The following CALCR variants were observed in gnomAD, a reference collection of about 807,000 sequenced individuals.
The protein encoded by CALCR is calcitonin receptor.
CALCR carries 47 observed loss-of-function variants against 59.5 expected under a neutral mutation model. The observed-to-expected ratio is 0.79, with a 90% CI of 0.63 to 1.01. The LOEUF (loss-of-function observed/expected upper bound fraction) is 1.01, where lower values mean the gene tolerates loss of function less well. Among genes scored for constraint, CALCR ranks in the 50% least tolerant of loss-of-function variants. CALCR has a pLI of 0.00. For synonymous variants in CALCR, 213 were observed against 211.3 expected (o/e 1.01, Z -0.07); for missense variants, 566 against 597.1 (o/e 0.95, Z 0.54).
chr7:93,442,443 T>C (rs1799926234), intron 9 of CALCR, among the ~76,000 whole-genome samples: 1 of 152,160 alleles, frequency 6.6e-6, no homozygotes, highest in African/African-American at 2.4e-5. Context: ...TGGAAACCAG[T>C]ATGGCATAAC....
chr7:93,507,751 CAA>C (rs562704303), intron 2 of CALCR, among the ~76,000 whole-genome samples: 46 of 52,022 alleles, frequency 8.8e-4, no homozygotes, highest in South Asian at 3.9e-3. Context: ...ACTAAAAATA[CAA>C]AAAAAAAAAA....
chr7:93,569,694 A>C lies in CALCR; in HGVS notation c.-27+4595T>G, dbSNP rs190988373. Among the ~76,000 whole-genome samples, 315 of 152,308 alleles carry C rather than the reference A, an allele frequency of 2.1e-3. 1 individual carries two copies. The highest frequency in any genetic ancestry group is 0.01 in the Middle Eastern group (3 of 294). On this transcript the variant is annotated intron_variant, in intron 2 of 13. Transcript: ENST00000426151. ...TGTCACAATATCCCCTGACTAGGAC[A>C]TAATAGGCACTTAGTACATATTTAT...
intron 8 of CALCR, among the ~76,000 whole-genome samples, chr7:93,451,192 A>G (rs1800102349): frequency 6.6e-6 from 1 of 152,156 alleles, no homozygotes. Flanking sequence ...ACAATAGTTC[A>G]CATTTTTAAA....
intron 2 of CALCR, among the ~76,000 whole-genome samples, chr7:93,549,815 A>G (rs924851853): frequency 6.6e-6 from 1 of 152,196 alleles, no homozygotes; most frequent in Non-Finnish European, 1.5e-5. Flanking sequence ...AAATATTACC[A>G]TGATAAGTAC....
intron 2 of CALCR, among the ~76,000 whole-genome samples, chr7:93,527,593 C>T (rs1404122082): frequency 6.6e-6 from 1 of 152,010 alleles, no homozygotes; most frequent in Non-Finnish European, 1.5e-5. Flanking sequence ...TGACAAATTA[C>T]GAGTTAGCAG....
intron 9 of CALCR, among the ~76,000 whole-genome samples, chr7:93,439,648 T>C (rs2051747): frequency 0.65 from 98,714 of 151,500 alleles, 32,653 homozygotes; most frequent in East Asian, 0.88. Flanking sequence ...CCAAGATCCA[T>C]AACAACCCAT....
intron 2 of CALCR, among the ~76,000 whole-genome samples, chr7:93,509,107 C>T (rs541405754): frequency 1.3e-5 from 2 of 152,046 alleles, no homozygotes; most frequent in Admixed American, 6.5e-5. Context: ...CACTGTGGTG[C>T]CATATTGGCT....
chr7:93,518,521 G>A (rs1435131669), intron 2 of CALCR, among the ~76,000 whole-genome samples: 3 of 151,744 alleles, frequency 2.0e-5, no homozygotes, highest in Non-Finnish European at 2.9e-5. Flanking sequence ...GTCCAGCATT[G>A]GTATTTATAT....
intron 2 of CALCR, among the ~76,000 whole-genome samples, chr7:93,497,501 G>A (rs979834348): frequency 1.3e-5 from 2 of 151,510 alleles, no homozygotes; most frequent in African/African-American, 4.8e-5. Flanking sequence ...AAAGCTCAAG[G>A]AGATTAGGAG....
At chr7:93,451,353 C>T (rs771010779) in intron 8 of CALCR, among the ~76,000 whole-genome samples, 2 of 151,904 alleles carry the variant, frequency 1.3e-5, no homozygotes, top group Non-Finnish European at 1.5e-5. Flanking sequence ...GAAGGATGCT[C>T]GCCACTGAAG....
At chr7:93,542,035 T>C (rs1789156880) in intron 2 of CALCR, among the ~76,000 whole-genome samples, 2 of 152,256 alleles carry the variant, frequency 1.3e-5, no homozygotes, top group Middle Eastern at 6.8e-3. Context: ...AACTAATAAA[T>C]AAGTGACAAT....
At chr7:93,497,295 T>C (rs536542288) in intron 2 of CALCR, among the ~76,000 whole-genome samples, 58 of 151,674 alleles carry the variant, frequency 3.8e-4, no homozygotes, top group Non-Finnish European at 6.9e-4. Context: ...ACTTAGCTCT[T>C]ATTGAGCACA....
At chr7:93,490,128 C>T (rs561183616) in intron 2 of CALCR, among the ~76,000 whole-genome samples, 5 of 151,888 alleles carry the variant, frequency 3.3e-5, no homozygotes, top group South Asian at 2.1e-4. Context: ...AAATGTAATC[C>T]GTCACATAAA....
chr7:93,470,534 C>G (rs1234479253), intron 6 of CALCR, among the ~76,000 whole-genome samples: 2 of 151,690 alleles, frequency 1.3e-5, no homozygotes, highest in Admixed American at 6.6e-5. Context: ...TCAGTTGCTT[C>G]CAGAGTACTC....
At chr7:93,505,546 T>G (rs542129692) in intron 2 of CALCR, among the ~76,000 whole-genome samples, 1 of 152,260 alleles carries the variant, frequency 6.6e-6, no homozygotes, top group East Asian at 1.9e-4. Context: ...TGCTGGATGG[T>G]CTTCTGTGAA....
At chr7:93,452,384 C>T (rs546513460) in intron 8 of CALCR, among the ~76,000 whole-genome samples, 48 of 151,988 alleles carry the variant, frequency 3.2e-4, no homozygotes, top group African/African-American at 1.2e-3. Flanking sequence ...GTCAAAATAC[C>T]AGTTCAGTTG....
chr7:93,502,741 G>C (rs952494653), intron 2 of CALCR, among the ~76,000 whole-genome samples: 1 of 151,906 alleles, frequency 6.6e-6, no homozygotes, highest in Non-Finnish European at 1.5e-5. Flanking sequence ...TTGGCACACC[G>C]ATACTAATGG....
intron 9 of CALCR, among the ~76,000 whole-genome samples, chr7:93,441,287 A>G (rs1160582844): frequency 6.6e-6 from 1 of 152,138 alleles, no homozygotes; most frequent in Non-Finnish European, 1.5e-5. Context: ...TTTATTTCAA[A>G]GGAAATAAAT....
At position 93,469,087 on chromosome 7, in the gene CALCR, C is replaced by T. The variant is rs563905444; in HGVS notation, c.430-281G>A. On this transcript the variant is annotated intron_variant, in intron 6 of 13. Transcript: ENST00000426151. ...TAGCTTTAAATGCATTAAAAATTAT[C>T]ATCCCTAAGCCCAGTAAGCAATCCT... Among the ~76,000 whole-genome samples the T allele has an allele frequency of 5.9e-5, 9 of 151,862 alleles. No individual in the cohort carries two copies. In the South Asian group the frequency reaches 1.7e-3, roughly 28 times the overall value.
Sources: allele counts gnomAD v4.1 joint callset (sites outside exome capture counted in the v4.1 genomes callset), GRCh38; gene constraint gnomAD v4.1.1; transcripts MANE v1.5; gene names NCBI Gene and HGNC (gene_info 2026-07-23, HGNC 2026-07-21).